Variants in AK7 observed in about 807,000 individuals in gnomAD.
The protein encoded by AK7 is ATP-AMP transphosphorylase 7.
Under a neutral mutation model 96.6 loss-of-function variants are expected in AK7, and 78 were observed. That is an observed-to-expected ratio of 0.81 (90% CI 0.67 to 0.97). AK7 has a LOEUF of 0.97. Ranked by LOEUF, AK7 falls within the 50% of genes least tolerant of loss-of-function variation. The pLI, the probability that AK7 is intolerant of heterozygous loss-of-function variation, is 0.00. For missense variants in AK7, 855 were observed against 887.9 expected, an observed-to-expected ratio of 0.96 and a Z score of 0.47; for synonymous variants, 302 against 317.2, an observed-to-expected ratio of 0.95 and a Z score of 0.51.
intron 12 of AK7, among the ~76,000 whole-genome samples, chr14:96,469,957 A>G (rs1474416910): frequency 6.6e-6 from 1 of 152,006 alleles, no homozygotes; most frequent in East Asian, 1.9e-4. Context: ...AGCTGGGATT[A>G]CAGGCATGTG....
Position 96,437,919 on chromosome 14 carries a change from T to C in AK7, c.690+4T>C, listed in dbSNP as rs1456476740. On this transcript the variant is annotated splice_donor_region_variant and intron_variant, in intron 6 of 17. Coordinates refer to ENST00000267584, the MANE Select transcript of AK7 (RefSeq NM_152327.5). ...CATGTTACACACATTTTTTAAGGTATGGCTTTCAATGATGACGTGGAATGT... is the reference window on the plus strand; with the variant it reads ...CATGTTACACACATTTTTTAAGGTACGGCTTTCAATGATGACGTGGAATGT... 2 of 1,611,494 alleles carry C rather than the reference T, an allele frequency of 1.2e-6. No individual in the cohort carries two copies. The highest frequency in any genetic ancestry group is 1.7e-6 in the Non-Finnish European group (2 of 1,178,092).
chr14:96,405,687 C>T (rs1259801369), intron 3 of AK7, among the ~76,000 whole-genome samples: 1 of 152,112 alleles, frequency 6.6e-6, no homozygotes, highest in Non-Finnish European at 1.5e-5. Flanking sequence ...GTATAAGAGC[C>T]ACGTGACTTT....
At chr14:96,422,155 G>A (rs1207524584) in intron 5 of AK7, among the ~76,000 whole-genome samples, 1 of 152,202 alleles carries the variant, frequency 6.6e-6, no homozygotes, top group Non-Finnish European at 1.5e-5. Context: ...TGATTATGAG[G>A]TGAGATGGTC....
rs1331956720 is a variant in AK7 at position 96,399,116 on chromosome 14, T to C, written c.294+853T>C. The C allele has an allele frequency of 1.3e-5, 2 of 152,220 alleles. No homozygotes were observed. Among genetic ancestry groups the C allele is most frequent in the African/African-American group, 2.4e-5 (1 of 41,440 alleles). The allele number at this position is 152,220 out of a possible 1,614,324, so 9.4% of individuals were successfully genotyped here. ...TATCATCCTTTGCCTGCCTAGATCA[T>C]AGTGCTTTTCACACTCGTTGTTATC... is the stretch of plus-strand genomic sequence containing the variant. On this transcript the variant is annotated intron_variant, in intron 2 of 17. Transcript: ENST00000267584. The surrounding 1 kb of genome is among the most constrained non-coding windows in gnomAD (Gnocchi z 4.1).
chr14:96,488,220 AT>A, intron 17 of AK7, 84 bp from the exon 18 acceptor site: 1 of 1,365,690 alleles, frequency 7.3e-7, no homozygotes, highest in South Asian at 1.2e-5. Flanking sequence ...GCCCAGGATG[AT>A]TTTTAAATTG....
intron 10 of AK7, among the ~76,000 whole-genome samples, chr14:96,454,656 A>T (rs1052900686): frequency 6.4e-5 from 9 of 140,518 alleles, no homozygotes; most frequent in Admixed American, 1.5e-4. Context: ...GCCAATATTT[A>T]AAAAAAATTT....
Position 96,451,579 on chromosome 14 carries a change from C to T in AK7, c.1098+9C>T. On this transcript the variant is annotated intron_variant, in intron 10 of 17. Coordinates refer to ENST00000267584, the MANE Select transcript of AK7 (RefSeq NM_152327.5). ...AAAGCAGAGGATTGATGGTAACTAT[C>T]ACTGTTTCCCACTGAAACTTCTGAT... 1.4e-6 allele frequency: 2 copies of T among 1,445,678 alleles called. No homozygotes were observed. Among genetic ancestry groups the T allele is most frequent in the South Asian group, 1.6e-5 (1 of 63,022 alleles). 89.6% of individuals were successfully genotyped at this position (1,445,678 alleles called of 1,614,324 possible).
intron 1 of AK7, among the ~76,000 whole-genome samples, chr14:96,395,720 A>G (rs1463630969): frequency 8.5e-6 from 1 of 117,254 alleles, no homozygotes; most frequent in Non-Finnish European, 1.7e-5. Context: ...TGTCTCTAGA[A>G]AAAAAAAAAA....
rs1890170656 is a variant in AK7, at chr14:96,397,956, G to T, written c.106-119G>T. 3.1e-6 allele frequency: 3 copies of T among 963,316 alleles called. No homozygotes were observed. In the South Asian group the frequency reaches 4.7e-5, roughly 15 times the overall value. 59.7% of individuals were successfully genotyped at this position (963,316 alleles called of 1,614,324 possible). A position where few individuals can be genotyped will look rare whatever the true frequency, so the allele number is the denominator to read the frequency against. ...TGAGATGACAGTGTGCAAAGCATTT[G>T]CTTTGCCTTGGTGGCACCCAGCAAG... is the stretch of plus-strand genomic sequence containing the variant. On this transcript the variant is annotated intron_variant, in intron 1 of 17. Coordinates refer to ENST00000267584, the MANE Select transcript of AK7 (RefSeq NM_152327.5).
intron 7 of AK7, among the ~76,000 whole-genome samples, chr14:96,445,043 C>T (rs1333889675): frequency 6.6e-6 from 1 of 152,166 alleles, no homozygotes; most frequent in East Asian, 1.9e-4. Flanking sequence ...ATGTTGTTCT[C>T]CTTGTCCCTG....
At chr14:96,449,542 T>C (rs1387599722) in intron 8 of AK7, among the ~76,000 whole-genome samples, 1 of 152,238 alleles carries the variant, frequency 6.6e-6, no homozygotes, top group Admixed American at 6.5e-5. Flanking sequence ...CAAGCAATTC[T>C]CGTGTCTCAG....
At chr14:96,394,041 G>A (rs1205732779) in intron 1 of AK7, among the ~76,000 whole-genome samples, 3 of 151,950 alleles carry the variant, frequency 2.0e-5, no homozygotes, top group East Asian at 1.9e-4. Flanking sequence ...CCCAGGGGGC[G>A]GAGGTTGCAG....
intron 15 of AK7, among the ~76,000 whole-genome samples, chr14:96,480,119 A>G (rs1186003638): frequency 6.6e-6 from 1 of 152,190 alleles, no homozygotes; most frequent in Non-Finnish European, 1.5e-5. Context: ...ACTAAGGCAT[A>G]ACATGACATA....
Position 96,458,134 on chromosome 14 carries a change from GA to G in AK7, c.1280del (p.Glu427GlyfsTer15), listed in dbSNP as rs748400442. 1 of 1,614,060 alleles carries G rather than the reference GA, an allele frequency of 6.2e-7. No homozygotes were observed. On this transcript the variant is annotated frameshift_variant, in exon 12 of 18. Coordinates refer to ENST00000267584, the MANE Select transcript of AK7 (RefSeq NM_152327.5). LOFTEE classifies it high-confidence loss of function. ...DVGEGEEEVEEEEEEENVEDA... is the reference protein window; with the variant it reads ...DVGEGEEEVEXEEEEENVEDA... ...AGGGGAAGGAGAAGAAGAAGTCGAAGAGGAAGAGGAGGAGGAGAATGTGGAA... is the reference window on the plus strand; with the variant it reads ...AGGGGAAGGAGAAGAAGAAGTCGAAGGGAAGAGGAGGAGGAGAATGTGGAA...
intron 1 of AK7, among the ~76,000 whole-genome samples, chr14:96,392,881 CTCGA>C (rs1889839353): frequency 2.0e-5 from 3 of 152,154 alleles, no homozygotes; most frequent in Admixed American, 2.0e-4. Flanking sequence ...CCAGGATGGT[CTCGA>C]TCGATCTCCT....
chr14:96,474,675 T>A (rs1449619300), intron 14 of AK7, among the ~76,000 whole-genome samples: 2 of 152,140 alleles, frequency 1.3e-5, no homozygotes, highest in African/African-American at 4.8e-5. Flanking sequence ...GTTCATCTAC[T>A]TTATTGTTGA....
chr14:96,447,910 A>G lies in AK7; in HGVS notation c.870+1303A>G, dbSNP rs1893337113. Among the ~76,000 whole-genome samples the G allele has an allele frequency of 2.0e-5, 3 of 151,850 alleles. No individual in the cohort carries two copies. The South Asian group carries it at 6.2e-4, about 32-fold the overall frequency. On this transcript the variant is annotated intron_variant, in intron 8 of 17. Coordinates refer to ENST00000267584, the MANE Select transcript of AK7 (RefSeq NM_152327.5). ...CCCTTCTCCTGGCTACTCCCTATTCATTTTTAAGATTCAGCTCAAGCCTGG... is the reference window on the plus strand; with the variant it reads ...CCCTTCTCCTGGCTACTCCCTATTCGTTTTTAAGATTCAGCTCAAGCCTGG...
At chr14:96,478,702 C>A (rs750102685) in intron 15 of AK7, 40 bp downstream of exon 15, 11 of 1,597,654 alleles carry the variant, frequency 6.9e-6, no homozygotes, top group South Asian at 1.1e-5. Context: ...TGTCCAGGAC[C>A]CCCAGCAAAG....
chr14:96,481,896 G>T (rs1438236888), intron 15 of AK7, among the ~76,000 whole-genome samples: 4 of 151,534 alleles, frequency 2.6e-5, no homozygotes, highest in Non-Finnish European at 4.4e-5. Context: ...GTGGAGATGG[G>T]GTTTCTCCAT....
Sources: allele counts gnomAD v4.1 joint callset (sites outside exome capture counted in the v4.1 genomes callset), GRCh38; gene constraint gnomAD v4.1.1; non-coding constraint Gnocchi (gnomAD v3.1); transcripts MANE v1.5; gene names NCBI Gene and HGNC (gene_info 2026-07-23, HGNC 2026-07-21).